NTRK2: variants seen among roughly 807,000 people sequenced by gnomAD.
The protein encoded by NTRK2 is neurotrophic receptor tyrosine kinase 2, also known as BDNF/NT-3 growth factors receptor.
A neutral mutation model predicts 94.5 loss-of-function variants in NTRK2; 13 were observed. The observed-to-expected ratio is 0.14, with a 90% CI of 0.09 to 0.22. The LOEUF is 0.22. Among genes scored for constraint, NTRK2 ranks in the 10% least tolerant of loss-of-function variants. The pLI is 1.00. For missense variants in NTRK2, 639 were observed against 1,071.2 expected, an observed-to-expected ratio of 0.60 and a Z score of 5.63; for synonymous variants, 372 against 407.4, an observed-to-expected ratio of 0.91 and a Z score of 1.05.
At chr9:84,911,823 T>C (rs548931525) in intron 14 of NTRK2, among the ~76,000 whole-genome samples, 2 of 152,230 alleles carry the variant, frequency 1.3e-5, no homozygotes, top group East Asian at 3.9e-4. Context: ...GCTTTCCTTC[T>C]AATTTCTTGT....
chr9:84,770,849 A>G (rs1002302861), intron 12 of NTRK2, among the ~76,000 whole-genome samples: 1 of 152,184 alleles, frequency 6.6e-6, no homozygotes, highest in Admixed American at 6.5e-5. Context: ...TAATTGGTAG[A>G]ACCACAATAC....
chr9:84,876,597 C>T, intron 14 of NTRK2: 2 of 1,057,594 alleles, frequency 1.9e-6, no homozygotes, highest in Non-Finnish European at 2.3e-6. Context: ...TTTTCTCTAT[C>T]TTGGTTTTAC....
chr9:84,872,419 C>T (rs200814862), intron 14 of NTRK2: 1 of 1,076,958 alleles, frequency 9.3e-7, no homozygotes, highest in Non-Finnish European at 1.1e-6. Context: ...TAGATGTCCT[C>T]CCTAAAATTC....
chr9:84,812,973 G>A, intron 12 of NTRK2: 1 of 1,033,866 alleles, frequency 9.7e-7, no homozygotes, highest in Non-Finnish European at 1.2e-6. Flanking sequence ...AATCCCTGAA[G>A]GGATGATCAG....
rs528837531 is a variant in NTRK2 at position 84,698,706 on chromosome 9, T to C, written c.213-3453T>C. ...ACATCCATAGAAATGTTTTACATTGTTAGACTTTAAACATTTTGTCAATCT... is the reference window on the plus strand; with the variant it reads ...ACATCCATAGAAATGTTTTACATTGCTAGACTTTAAACATTTTGTCAATCT... On this transcript the variant is annotated intron_variant, in intron 2 of 18. Coordinates refer to ENST00000277120, the MANE Select transcript of NTRK2 (RefSeq NM_006180.6). Among the ~76,000 whole-genome samples the C allele has an allele frequency of 2.0e-5, 3 of 152,362 alleles. No individual in the cohort carries two copies. The South Asian group carries it at 6.2e-4, about 32-fold the overall frequency.
intron 16 of NTRK2, among the ~76,000 whole-genome samples, chr9:84,953,172 G>A (rs1357365640): frequency 1.3e-5 from 2 of 152,216 alleles, no homozygotes; most frequent in Non-Finnish European, 2.9e-5. Flanking sequence ...CACCTTTAGT[G>A]AAGTGGAAAG....
intron 15 of NTRK2, among the ~76,000 whole-genome samples, chr9:84,936,984 C>T (rs1333403451): frequency 6.6e-6 from 1 of 152,118 alleles, no homozygotes; most frequent in South Asian, 2.1e-4. Context: ...CTAGCTGGAC[C>T]TTCCACAGGC....
At chr9:84,970,486 A>G (rs976098839) in intron 17 of NTRK2, among the ~76,000 whole-genome samples, 23 of 152,248 alleles carry the variant, frequency 1.5e-4, no homozygotes, top group African/African-American at 5.5e-4. Flanking sequence ...TGCCTACCTC[A>G]TAGCAGGCAC....
rs2132055927 is a variant in NTRK2 at position 84,867,230 on chromosome 9, T to C, written c.1445-13T>C. On this transcript the variant is annotated splice_polypyrimidine_tract_variant and intron_variant, in intron 13 of 18. Coordinates refer to ENST00000277120, the MANE Select transcript of NTRK2 (RefSeq NM_006180.6). ...TTGATTACAGGAGAATATATATATT[T>C]TTCCATCTCCAGGCCCAGCCTCCGT... is the stretch of plus-strand genomic sequence containing the variant. The C allele has an allele frequency of 6.2e-7, 1 of 1,613,394 alleles. No homozygotes were observed. Among genetic ancestry groups the C allele is most frequent in the Middle Eastern group, 1.7e-4 (1 of 6,054 alleles).
At chr9:84,980,993 G>A (rs569189087) in intron 17 of NTRK2, among the ~76,000 whole-genome samples, 2 of 152,196 alleles carry the variant, frequency 1.3e-5, no homozygotes, top group African/African-American at 4.8e-5. Context: ...GGAATAAACA[G>A]ATGGCAAAAT....
upstream of NTRK2, chr9:84,668,829 G>A (rs930320327): frequency 6.6e-6 from 1 of 152,270 alleles, no homozygotes; most frequent in Non-Finnish European, 1.5e-5. Flanking sequence ...ACGTGGGGGT[G>A]GGCATCGCGG....
intron 12 of NTRK2, chr9:84,810,572 A>C: frequency 6.2e-7 from 1 of 1,613,814 alleles, no homozygotes; most frequent in Non-Finnish European, 8.5e-7. Context: ...ATCCCACTGG[A>C]TGGGTAGCTG....
At chr9:84,672,859 T>G (rs1207074099) in intron 2 of NTRK2, among the ~76,000 whole-genome samples, 1 of 152,240 alleles carries the variant, frequency 6.6e-6, no homozygotes, top group Non-Finnish European at 1.5e-5. Context: ...GTTGCTTCTT[T>G]TATATCTGAT....
At chr9:84,847,742 T>A (rs1411848526) in intron 12 of NTRK2, among the ~76,000 whole-genome samples, 2 of 152,118 alleles carry the variant, frequency 1.3e-5, no homozygotes, top group South Asian at 2.1e-4. Flanking sequence ...GAGCCATTGG[T>A]TCCACCTTGA....
rs2075418303 is a variant in NTRK2, at chr9:84,863,277, A to T, written c.1444+2190A>T. Among the ~76,000 whole-genome samples, 3 of 152,176 alleles carry T rather than the reference A, an allele frequency of 2.0e-5. No homozygotes were observed. The South Asian group carries it at 6.2e-4, about 32-fold the overall frequency. ...TACATTAGGCTTAGAAATGTCTGTA[A>T]AGTCATAGTACAGGATGTGTGACCA... On this transcript the variant is annotated intron_variant, in intron 13 of 18. Coordinates refer to ENST00000277120, the MANE Select transcript of NTRK2 (RefSeq NM_006180.6).
intron 12 of NTRK2, among the ~76,000 whole-genome samples, chr9:84,798,941 T>TATATATATAA (rs1554731494): frequency 2.5e-5 from 3 of 119,834 alleles, no homozygotes; most frequent in African/African-American, 8.4e-5. Context: ...TATATATATA[T>TATATATATAA]GCTTATTTAA....
At chr9:84,741,677 T>C (rs555103633) in intron 9 of NTRK2, among the ~76,000 whole-genome samples, 1 of 152,206 alleles carries the variant, frequency 6.6e-6, no homozygotes, top group Non-Finnish European at 1.5e-5. Context: ...TTTGTTTTCT[T>C]TTTTGGAGGG....
chr9:84,828,225 G>A (rs1412543530), intron 12 of NTRK2, among the ~76,000 whole-genome samples: 1 of 152,138 alleles, frequency 6.6e-6, no homozygotes, highest in Non-Finnish European at 1.5e-5. Context: ...AGAGATGTTT[G>A]TTTTAACCCC....
chr9:85,015,513 C>A lies in NTRK2; in HGVS notation c.2173-4693C>A, dbSNP rs540327703. ...TTCAAGGAACACATTGAGAATTCCTCCCCCAAAGAGCAGCATTCATGGGGA... is the reference window on the plus strand; with the variant it reads ...TTCAAGGAACACATTGAGAATTCCTACCCCAAAGAGCAGCATTCATGGGGA... On this transcript the variant is annotated intron_variant, in intron 17 of 18. Transcript: ENST00000277120. Among the ~76,000 whole-genome samples the A allele has an allele frequency of 2.2e-3, 328 of 152,264 alleles. 1 individual carries two copies. Among genetic ancestry groups the A allele is most frequent in the African/African-American group, 7.6e-3 (316 of 41,560 alleles).
Sources: allele counts gnomAD v4.1 joint callset (sites outside exome capture counted in the v4.1 genomes callset), GRCh38; gene constraint gnomAD v4.1.1; transcripts MANE v1.5; gene names NCBI Gene and HGNC (gene_info 2026-07-23, HGNC 2026-07-21).